The following RAB30 variants were observed in gnomAD, a reference collection of about 807,000 sequenced individuals.
The protein encoded by RAB30 is ras-related protein Rab-30.
RAB30 carries 9 observed loss-of-function variants against 25.1 expected under a neutral mutation model. The observed-to-expected ratio is 0.36, with a 90% CI of 0.22 to 0.63. The LOEUF (loss-of-function observed/expected upper bound fraction) is 0.63. RAB30 is among the 20% of genes least tolerant of loss of function. The pLI, the probability that RAB30 is intolerant of heterozygous loss-of-function variation, is 0.69. For missense variants in RAB30, 140 were observed against 243.5 expected (o/e 0.58, Z 2.83); for synonymous variants, 77 against 86.4 (o/e 0.89, Z 0.60).
chr11:83,053,484 A>G (rs919099833), intron 1 of RAB30, among the ~76,000 whole-genome samples: 1 of 152,196 alleles, frequency 6.6e-6, no homozygotes, highest in Non-Finnish European at 1.5e-5. Context: ...AGAAAATCAC[A>G]TATATTACCC....
chr11:83,019,518 A>G (rs1857516301), intron 1 of RAB30, among the ~76,000 whole-genome samples: 1 of 150,264 alleles, frequency 6.7e-6, no homozygotes, highest in East Asian at 2.0e-4. Flanking sequence ...ACAAACCCCC[A>G]CTCCCCTGCC....
chr11:82,982,200 T>C lies in RAB30; in HGVS notation c.577A>G (p.Ser193Gly). Reference protein sequence around the residue: ...VSSPLPGEGKSISYLTCCNFN With the variant: ...VSSPLPGEGKGISYLTCCNFN ...TTACAACAAGTCAAATAGCTGATGC[T>C]TTTCCCTTCTCCAGGTAAGGGTGAG... is the stretch of plus-strand genomic sequence containing the variant. Residue 193 changes from serine to glycine, a missense_variant, in exon 5 of 5, where the codon AGC becomes GGC. Transcript: ENST00000527633. 6.2e-7 allele frequency: 1 copy of C among 1,614,242 alleles called. No homozygotes were observed. The highest frequency in any genetic ancestry group is 8.5e-7 in the Non-Finnish European group (1 of 1,180,034).
chr11:83,044,223 C>T (rs1858190434), intron 1 of RAB30, among the ~76,000 whole-genome samples: 1 of 152,154 alleles, frequency 6.6e-6, no homozygotes, highest in African/African-American at 2.4e-5. Context: ...TCATCTCTAC[C>T]CCCTGAAAAT....
chr11:83,052,263 G>A (rs1164582386), intron 1 of RAB30, among the ~76,000 whole-genome samples: 1 of 152,180 alleles, frequency 6.6e-6, no homozygotes, highest in Non-Finnish European at 1.5e-5. Context: ...GCATGAAGCT[G>A]GGATTGTCAT....
chr11:83,005,027 T>G (rs181666379), intron 1 of RAB30, among the ~76,000 whole-genome samples: 2 of 152,298 alleles, frequency 1.3e-5, no homozygotes, highest in Non-Finnish European at 2.9e-5. Context: ...TGGCCACAAA[T>G]GTCAAACACC....
At chr11:83,014,648 AAGAAAG>A in intron 1 of RAB30, among the ~76,000 whole-genome samples, 1 of 132,648 alleles carries the variant, frequency 7.5e-6, no homozygotes, top group Non-Finnish European at 1.6e-5. Context: ...GAAAGAAAGA[AAGAAAG>A]AAAGAAAGAA....
At chr11:83,057,216 A>C (rs1012203030) in intron 1 of RAB30, among the ~76,000 whole-genome samples, 51 of 147,384 alleles carry the variant, frequency 3.5e-4, no homozygotes, top group African/African-American at 1.2e-3. Context: ...TTTTTTTTTT[A>C]GTGCTAAATC....
chr11:83,057,020 G>A (rs1370414949), intron 1 of RAB30, among the ~76,000 whole-genome samples: 2 of 152,148 alleles, frequency 1.3e-5, no homozygotes, highest in African/African-American at 4.8e-5. Flanking sequence ...AGCAGTAACA[G>A]TAAGTACAGA....
At chr11:83,009,309 G>A (rs1382164526) in intron 1 of RAB30, among the ~76,000 whole-genome samples, 2 of 152,056 alleles carry the variant, frequency 1.3e-5, no homozygotes, top group East Asian at 1.9e-4. Context: ...CAGGCAATCC[G>A]CCCGCCTCGG....
intron 2 of RAB30, among the ~76,000 whole-genome samples, chr11:82,996,242 C>T (rs915119012): frequency 6.6e-6 from 1 of 152,166 alleles, no homozygotes; most frequent in African/African-American, 2.4e-5. Flanking sequence ...TCCGCAAAAC[C>T]ACAGACTGTC....
In RAB30 at chr11:82,986,486, TA is replaced by T. The variant is rs1333070221; in HGVS notation, c.361+1100del. 2.0e-5 allele frequency among the ~76,000 whole-genome samples: 3 copies of T among 152,234 alleles called. No individual in the cohort carries two copies. The South Asian group carries it at 6.2e-4, about 31-fold the overall frequency. On this transcript the variant is annotated intron_variant, in intron 4 of 4. Transcript: ENST00000527633. ...GACTCAAGTTCCCAAAGGCTTTCTG[TA>T]AAACAGAAGGTACAAATGCAGACCT...
At chr11:83,018,942 C>G (rs954562730) in intron 1 of RAB30, among the ~76,000 whole-genome samples, 13 of 152,178 alleles carry the variant, frequency 8.5e-5, no homozygotes, top group African/African-American at 3.1e-4. Context: ...GTCCTTACCC[C>G]ACTTTATATT....
intron 1 of RAB30, among the ~76,000 whole-genome samples, chr11:83,043,227 C>T (rs1858165703): frequency 6.6e-6 from 1 of 152,172 alleles, no homozygotes; most frequent in Non-Finnish European, 1.5e-5. Flanking sequence ...GCCATGGAAA[C>T]AAGCCTGTTC....
intron 1 of RAB30, among the ~76,000 whole-genome samples, chr11:83,057,441 TAGAA>T (rs1231051981): frequency 6.6e-6 from 1 of 152,198 alleles, no homozygotes; most frequent in African/African-American, 2.4e-5. Context: ...TGTTAACTCT[TAGAA>T]AGCAAAGTTC....
chr11:83,047,753 AT>A (rs112771528), intron 1 of RAB30, among the ~76,000 whole-genome samples: 2,781 of 150,768 alleles, frequency 0.018, 60 homozygotes, highest in East Asian at 0.079. Context: ...GATTCAAAGG[AT>A]TTTTTTTTTC....
intron 1 of RAB30, among the ~76,000 whole-genome samples, chr11:83,044,273 T>A: frequency 6.6e-6 from 1 of 152,222 alleles, no homozygotes; most frequent in East Asian, 1.9e-4. Context: ...ATCTGTTTAT[T>A]CACAACCTAA....
intron 1 of RAB30, among the ~76,000 whole-genome samples, chr11:83,013,456 C>G (rs1565276529): frequency 1.3e-5 from 2 of 152,128 alleles, no homozygotes; most frequent in Non-Finnish European, 2.9e-5. Context: ...GAGGCTCCTG[C>G]AAATTCCTAT....
chr11:82,985,716 T>TC (rs1856728115), intron 4 of RAB30, among the ~76,000 whole-genome samples: 1 of 103,762 alleles, frequency 9.6e-6, no homozygotes, highest in East Asian at 2.0e-4. Context: ...TTACTTGGCT[T>TC]TTTTTTTTTT....
rs1247574214 is a variant in RAB30, at chr11:82,979,599, C to G, written c.*2566G>C. 1 of 152,198 alleles carries G rather than the reference C, an allele frequency of 6.6e-6. No homozygotes were observed. Among genetic ancestry groups the G allele is most frequent in the Admixed American group, 6.5e-5 (1 of 15,268 alleles). The allele number at this position is 152,198 out of a possible 1,614,324, so 9.4% of individuals were successfully genotyped here. A position where few individuals can be genotyped will look rare whatever the true frequency, so the allele number is the denominator to read the frequency against. On this transcript the variant is annotated 3_prime_UTR_variant, in exon 5 of 5. Transcript: ENST00000527633. Reference sequence around the variant, plus strand: ...AAAAAAGCTCCCCCAACCACTACCACCCCACCTTGGCACTTAAATGTTTAT... The same window carrying G: ...AAAAAAGCTCCCCCAACCACTACCAGCCCACCTTGGCACTTAAATGTTTAT...
Sources: gnomAD v4.1 joint callset for allele counts (sites outside exome capture counted in the v4.1 genomes callset) on GRCh38, gnomAD v4.1.1 for gene constraint, MANE v1.5 for transcripts, NCBI Gene and HGNC (gene_info 2026-07-23, HGNC 2026-07-21) for gene names.